Variants in IL20RB observed in about 807,000 individuals in gnomAD.
IL20RB encodes interleukin 20 receptor subunit beta.
In IL20RB, 21 loss-of-function variants were observed where a neutral mutation model predicts 33.3. That is an observed-to-expected ratio of 0.63 (90% CI 0.45 to 0.91). The LOEUF (loss-of-function observed/expected upper bound fraction) is 0.91. Ranked by LOEUF, IL20RB falls within the 40% of genes least tolerant of loss-of-function variation. The pLI is 0.00. For synonymous variants in IL20RB, 147 were observed against 146.8 expected, an observed-to-expected ratio of 1.00 and a Z score of -0.01; for missense variants, 345 against 384.8, an observed-to-expected ratio of 0.90 and a Z score of 0.86.
At chr3:137,008,889 A>G (rs995841852) in intron 6 of IL20RB, among the ~76,000 whole-genome samples, 1 of 152,216 alleles carries the variant, frequency 6.6e-6, no homozygotes, top group African/African-American at 2.4e-5. Context: ...TAAAAATTGC[A>G]TATGTGATTC....
At chr3:136,970,616 T>TTCCC (rs1440958982) in intron 1 of IL20RB, among the ~76,000 whole-genome samples, 1 of 32,676 alleles carries the variant, frequency 3.1e-5, no homozygotes, top group Non-Finnish European at 5.6e-5. Context: ...TCTAGTTTCC[T>TTCCC]TCCTTCCTTC....
intron 3 of IL20RB, among the ~76,000 whole-genome samples, chr3:136,988,514 C>G (rs943701952): frequency 6.6e-6 from 1 of 152,018 alleles, no homozygotes; most frequent in Non-Finnish European, 1.5e-5. Context: ...TCGAGGTGGG[C>G]GAACTGCTTG....
rs200878852 is a variant in IL20RB at position 136,991,923 on chromosome 3, T to C, written c.532-15T>C. 2.4e-5 allele frequency: 38 copies of C among 1,612,506 alleles called. No homozygotes were observed. The African/African-American group carries it at 3.9e-4, about 16-fold the overall frequency. ...CCGCACTTGGCCAATAACTGTGTTTTCTGGTCTGTCAAAGGAACATGTCAA... is the reference window on the plus strand; with the variant it reads ...CCGCACTTGGCCAATAACTGTGTTTCCTGGTCTGTCAAAGGAACATGTCAA... On this transcript the variant is annotated splice_polypyrimidine_tract_variant and intron_variant, in intron 4 of 6. Transcript: ENST00000329582.
At chr3:136,980,854 C>T (rs1161593706) in intron 2 of IL20RB, among the ~76,000 whole-genome samples, 2 of 152,214 alleles carry the variant, frequency 1.3e-5, no homozygotes, top group African/African-American at 2.4e-5. Context: ...AATCAACTGT[C>T]CAATGGGTTT....
At position 136,976,610 on chromosome 3, in the gene IL20RB, T is replaced by C. The variant is rs536606013; in HGVS notation, c.89-3856T>C. ...CCCGGCAGCACTCACTTCCCAGCAT[T>C]GTCAGCTGCAGCCCATGCCTCATTT... On this transcript the variant is annotated intron_variant, in intron 1 of 6. Transcript: ENST00000329582. 2.0e-5 allele frequency among the ~76,000 whole-genome samples: 3 copies of C among 152,318 alleles called. No homozygotes were observed. The East Asian group carries it at 5.8e-4, about 29-fold the overall frequency.
chr3:136,980,683 T>A, intron 2 of IL20RB, 91 bp downstream of exon 2: 1 of 1,356,774 alleles, frequency 7.4e-7, no homozygotes, highest in Non-Finnish European at 1.0e-6. Flanking sequence ...GGTGGCTTTT[T>A]GAGTCCAGGG....
intron 6 of IL20RB, among the ~76,000 whole-genome samples, chr3:137,005,593 CT>C (rs1218851976): frequency 1.3e-5 from 2 of 151,864 alleles, no homozygotes; most frequent in Non-Finnish European, 2.9e-5. Flanking sequence ...GCAACCCCTG[CT>C]TTTTTTTCGC....
chr3:136,981,999 T>TG, intron 2 of IL20RB, 161 bp from the exon 3 acceptor site: 2 of 460,174 alleles, frequency 4.3e-6, no homozygotes, highest in Non-Finnish European at 3.9e-6. Context: ...TAAGGGACGA[T>TG]GGATGGTTGG....
chr3:136,992,321 C>T (rs967462781), intron 5 of IL20RB, among the ~76,000 whole-genome samples: 1 of 152,212 alleles, frequency 6.6e-6, no homozygotes, highest in Non-Finnish European at 1.5e-5. Flanking sequence ...GAAACACTTT[C>T]CCCCTTAAAG....
intron 3 of IL20RB, among the ~76,000 whole-genome samples, chr3:136,983,521 G>GGATGGGAAGGA (rs1439054081): frequency 6.6e-6 from 1 of 152,232 alleles, no homozygotes; most frequent in African/African-American, 2.4e-5. Flanking sequence ...GTTTGGAAGG[G>GGATGGGAAGGA]GATGGGAAGG....
chr3:136,986,297 T>A (rs946033309), intron 3 of IL20RB, among the ~76,000 whole-genome samples: 3 of 152,094 alleles, frequency 2.0e-5, no homozygotes, highest in African/African-American at 7.2e-5. Context: ...TAAAGCTTCC[T>A]GGGCAGATTA....
chr3:137,004,188 A>G (rs1202726381), intron 6 of IL20RB, among the ~76,000 whole-genome samples: 2 of 152,100 alleles, frequency 1.3e-5, no homozygotes, highest in East Asian at 3.8e-4. Context: ...GAATTTTTGC[A>G]TTGATATTCC....
At chr3:136,987,513 C>T (rs1011720686) in intron 3 of IL20RB, among the ~76,000 whole-genome samples, 4 of 152,260 alleles carry the variant, frequency 2.6e-5, no homozygotes, top group Non-Finnish European at 1.5e-5. Context: ...CTCAGGAGGC[C>T]AGCTGGCTTC....
chr3:136,989,651 C>G (rs1941992761), intron 4 of IL20RB, 86 bp downstream of exon 4: 2 of 1,488,324 alleles, frequency 1.3e-6, no homozygotes, highest in Non-Finnish European at 1.9e-6. Flanking sequence ...GCTGCCCCTG[C>G]TCACTGGGTG....
chr3:136,980,608 T>G lies in IL20RB; in HGVS notation c.215+16T>G. On this transcript the variant is annotated intron_variant, in intron 2 of 6. Coordinates refer to ENST00000329582, the MANE Select transcript of IL20RB (RefSeq NM_144717.4). ...AATACCAGGGGTGAGTTTTTTCTTT[T>G]AATAGTTCTTCTCCCTTAAGCAGAA... The G allele has an allele frequency of 1.2e-6, 2 of 1,613,920 alleles. No individual in the cohort carries two copies. Among genetic ancestry groups the G allele is most frequent in the Non-Finnish European group, 1.7e-6 (2 of 1,179,940 alleles).
At chr3:137,008,844 GT>G (rs1489660327) in intron 6 of IL20RB, among the ~76,000 whole-genome samples, 1 of 152,094 alleles carries the variant, frequency 6.6e-6, no homozygotes, top group Non-Finnish European at 1.5e-5. Flanking sequence ...AGTTCCACCT[GT>G]TTCTTTTTAC....
At chr3:136,991,758 A>G (rs913419346) in intron 4 of IL20RB, among the ~76,000 whole-genome samples, 180 bp from the exon 5 acceptor site, 1 of 152,058 alleles carries the variant, frequency 6.6e-6, no homozygotes, top group Non-Finnish European at 1.5e-5. Context: ...ACAGGCACCC[A>G]CCACCATGCC....
At chr3:136,962,700 C>T (rs192447779) in intron 1 of IL20RB, among the ~76,000 whole-genome samples, 207 of 149,654 alleles carry the variant, frequency 1.4e-3, no homozygotes, top group African/African-American at 4.7e-3. Flanking sequence ...TGCAGCGAGC[C>T]GAGATTGCAC....
chr3:136,985,662 CT>C (rs1173758384), intron 3 of IL20RB, among the ~76,000 whole-genome samples: 4 of 152,096 alleles, frequency 2.6e-5, no homozygotes, highest in Admixed American at 2.6e-4. Context: ...TAAAGGGAAA[CT>C]TTTTATTGAG....
Sources: gnomAD v4.1 joint callset for allele counts (sites outside exome capture counted in the v4.1 genomes callset) on GRCh38, gnomAD v4.1.1 for gene constraint, MANE v1.5 for transcripts, NCBI Gene and HGNC (gene_info 2026-07-23, HGNC 2026-07-21) for gene names.